The following PRTFDC1 variants were observed in gnomAD, a reference collection of about 807,000 sequenced individuals.
PRTFDC1 encodes phosphoribosyltransferase domain-containing protein 1.
Under a neutral mutation model 34.6 loss-of-function variants are expected in PRTFDC1, and 38 were observed. The observed-to-expected ratio is 1.10, with a 90% CI of 0.85 to 1.44. The LOEUF (loss-of-function observed/expected upper bound fraction) is 1.44. PRTFDC1 is among the 40% of genes most tolerant of loss of function. The pLI is 0.00. For synonymous variants in PRTFDC1, 93 were observed against 98.1 expected, an observed-to-expected ratio of 0.95 and a Z score of 0.31; for missense variants, 270 against 283.0, an observed-to-expected ratio of 0.95 and a Z score of 0.33.
chr10:24,943,294 C>G (rs535030206), intron 1 of PRTFDC1, among the ~76,000 whole-genome samples: 1 of 152,096 alleles, frequency 6.6e-6, no homozygotes, highest in African/African-American at 2.4e-5. Context: ...CTATGTTAGA[C>G]ACTTAAACCG....
intron 3 of PRTFDC1, chr10:24,908,509 C>G: frequency 6.2e-7 from 1 of 1,612,374 alleles, no homozygotes; most frequent in Middle Eastern, 1.7e-4. Context: ...AGACCTAATT[C>G]TGCTCTGATC....
intron 1 of PRTFDC1, among the ~76,000 whole-genome samples, chr10:24,947,118 T>A (rs1163892248): frequency 6.6e-6 from 1 of 152,212 alleles, no homozygotes; most frequent in Admixed American, 6.5e-5. Context: ...CCAGCCTGGG[T>A]AGCAAAGTGA....
intron 3 of PRTFDC1, among the ~76,000 whole-genome samples, chr10:24,872,797 T>C (rs1847897311): frequency 8.1e-6 from 1 of 123,560 alleles, no homozygotes; most frequent in East Asian, 2.2e-4. Flanking sequence ...TGTATATATA[T>C]ATATATATAT....
intron 1 of PRTFDC1, among the ~76,000 whole-genome samples, chr10:24,946,368 A>G (rs1849250331): frequency 6.6e-6 from 1 of 152,202 alleles, no homozygotes; most frequent in East Asian, 1.9e-4. Flanking sequence ...ATGGTGTATA[A>G]TACATGATGT....
At chr10:24,910,028 G>C (rs754735371) in intron 3 of PRTFDC1, among the ~76,000 whole-genome samples, 2 of 151,618 alleles carry the variant, frequency 1.3e-5, no homozygotes, top group African/African-American at 4.8e-5. Flanking sequence ...AGGCATGGTG[G>C]TACATGCCTG....
intron 4 of PRTFDC1, among the ~76,000 whole-genome samples, chr10:24,865,305 G>C (rs941228955): frequency 1.8e-4 from 27 of 151,962 alleles, no homozygotes; most frequent in Non-Finnish European, 4.4e-5. Context: ...CCTTAACCAA[G>C]CTATTATCAA....
At position 24,860,518 on chromosome 10, in the gene PRTFDC1, G is replaced by A. The variant is rs558363078; in HGVS notation, c.406-2109C>T. Among the ~76,000 whole-genome samples the A allele has an allele frequency of 7.9e-5, 12 of 152,168 alleles. No homozygotes were observed. The South Asian group carries it at 8.3e-4, about 11-fold the overall frequency. On this transcript the variant is annotated intron_variant, in intron 4 of 8. Coordinates refer to ENST00000320152, the MANE Select transcript of PRTFDC1 (RefSeq NM_020200.7). Reference sequence around the variant, plus strand: ...CCAACAACTCTGTTAACTTTGCACCGTATATCAAACACATTCTTATGTTAA... The same window carrying A: ...CCAACAACTCTGTTAACTTTGCACCATATATCAAACACATTCTTATGTTAA...
chr10:24,917,202 C>G (rs972515534), intron 3 of PRTFDC1, among the ~76,000 whole-genome samples: 1 of 152,204 alleles, frequency 6.6e-6, no homozygotes, highest in African/African-American at 2.4e-5. Flanking sequence ...ACCATTCCCT[C>G]TGGGAGGACT....
At chr10:24,905,580 T>C (rs1848521653) in intron 3 of PRTFDC1, among the ~76,000 whole-genome samples, 1 of 152,076 alleles carries the variant, frequency 6.6e-6, no homozygotes, top group Non-Finnish European at 1.5e-5. Context: ...CCCAAAGTGT[T>C]GGGATTACAA....
Position 24,887,218 on chromosome 10 carries a change from C to T in PRTFDC1, c.340-15155G>A, listed in dbSNP as rs555388761. ...ATCTCCTGACCTCATGATCCACCCG[C>T]CTCGGCCTCCCAAAGTGCTGGGATT... On this transcript the variant is annotated intron_variant, in intron 3 of 8. Transcript: ENST00000320152. 2.3e-4 allele frequency among the ~76,000 whole-genome samples: 35 copies of T among 152,088 alleles called. No homozygotes were observed. In the East Asian group the frequency reaches 2.3e-3, roughly 10 times the overall value.
At chr10:24,888,605 A>T (rs1848209559) in intron 3 of PRTFDC1, among the ~76,000 whole-genome samples, 1 of 152,184 alleles carries the variant, frequency 6.6e-6, no homozygotes, top group Admixed American at 6.5e-5. Context: ...TTTTAATTCT[A>T]TGAGTAGCTG....
chr10:24,947,927 G>A (rs1849276901), intron 1 of PRTFDC1, among the ~76,000 whole-genome samples: 1 of 152,070 alleles, frequency 6.6e-6, no homozygotes, highest in African/African-American at 2.4e-5. Context: ...TTGAAAAGTG[G>A]GGACAAGTGG....
At chr10:24,913,304 G>A (rs1460285136) in intron 3 of PRTFDC1, among the ~76,000 whole-genome samples, 1 of 152,336 alleles carries the variant, frequency 6.6e-6, no homozygotes, top group African/African-American at 2.4e-5. Flanking sequence ...AAGGAATAAC[G>A]TCAGGCAGTC....
chr10:24,948,003 C>T (rs1322866703), intron 1 of PRTFDC1, among the ~76,000 whole-genome samples: 1 of 152,162 alleles, frequency 6.6e-6, no homozygotes, highest in African/African-American at 2.4e-5. Flanking sequence ...CCAACCACCT[C>T]CTATCCACAT....
chr10:24,853,031 T>C (rs1002329468), intron 7 of PRTFDC1, among the ~76,000 whole-genome samples: 2 of 151,588 alleles, frequency 1.3e-5, no homozygotes, highest in African/African-American at 4.9e-5. Context: ...TCCTCCAAAC[T>C]GCAGAGTTTC....
intron 3 of PRTFDC1, among the ~76,000 whole-genome samples, chr10:24,893,957 G>A (rs1437915297): frequency 6.6e-6 from 1 of 152,200 alleles, no homozygotes; most frequent in East Asian, 1.9e-4. Flanking sequence ...CTATTGGAAT[G>A]TACTTGGGTC....
At position 24,911,540 on chromosome 10, in the gene PRTFDC1, C is replaced by T. The variant is rs1220735850; in HGVS notation, c.339+25644G>A. 3.9e-5 allele frequency among the ~76,000 whole-genome samples: 6 copies of T among 152,154 alleles called. No homozygotes were observed. The East Asian group carries it at 9.6e-4, about 24-fold the overall frequency. On this transcript the variant is annotated intron_variant, in intron 3 of 8. Transcript: ENST00000320152. ...GTTTGAGTTATTACAAATAAAGTTG[C>T]TATGAATATTTGCATACCAGCCTTT...
chr10:24,859,609 T>G (rs769729232), intron 4 of PRTFDC1, among the ~76,000 whole-genome samples: 1 of 152,212 alleles, frequency 6.6e-6, no homozygotes, highest in Non-Finnish European at 1.5e-5. Flanking sequence ...GCCAGCACCA[T>G]GCTTCCTATA....
chr10:24,910,843 C>T (rs1355725358), intron 3 of PRTFDC1, among the ~76,000 whole-genome samples: 3 of 151,666 alleles, frequency 2.0e-5, no homozygotes, highest in Admixed American at 6.6e-5. Flanking sequence ...ATCAGGCACC[C>T]TGATCTCCAT....
Sources: gnomAD v4.1 joint callset for allele counts (sites outside exome capture counted in the v4.1 genomes callset) on GRCh38, gnomAD v4.1.1 for gene constraint, MANE v1.5 for transcripts, NCBI Gene and HGNC (gene_info 2026-07-23, HGNC 2026-07-21) for gene names.